The following FHIT variants were observed in gnomAD, a reference collection of about 807,000 sequenced individuals.
The protein encoded by FHIT is fragile histidine triad diadenosine triphosphatase.
A neutral mutation model predicts 17.9 loss-of-function variants in FHIT; 19 were observed. The observed-to-expected ratio is 1.06, with a 90% confidence interval of 0.74 to 1.56. FHIT has a LOEUF of 1.56. FHIT is among the 40% of genes most tolerant of loss of function. The pLI, the probability that FHIT is intolerant of heterozygous loss-of-function variation, is 0.00. For synonymous variants in FHIT, 81 were observed against 69.7 expected, an observed-to-expected ratio of 1.16 and a Z score of -0.81; for missense variants, 248 against 189.2, an observed-to-expected ratio of 1.31 and a Z score of -1.82.
chr3:60,148,071 G>C (rs1700314474), intron 5 of FHIT, among the ~76,000 whole-genome samples: 1 of 152,134 alleles, frequency 6.6e-6, no homozygotes, highest in Non-Finnish European at 1.5e-5. Flanking sequence ...AATGTTGCCT[G>C]GTAAGACTAA....
intron 3 of FHIT, among the ~76,000 whole-genome samples, chr3:60,927,200 C>T (rs1396593308): frequency 6.6e-6 from 1 of 152,174 alleles, no homozygotes; most frequent in African/African-American, 2.4e-5. Flanking sequence ...GGGGTTTCGC[C>T]GTGTTGGCCG....
intron 4 of FHIT, among the ~76,000 whole-genome samples, chr3:60,685,853 T>G (rs1230802979): frequency 6.6e-6 from 1 of 152,188 alleles, no homozygotes; most frequent in Non-Finnish European, 1.5e-5. Context: ...TAAACAAACA[T>G]ACATATTCTT....
At chr3:60,696,944 G>C (rs573239750) in intron 4 of FHIT, among the ~76,000 whole-genome samples, 1 of 152,190 alleles carries the variant, frequency 6.6e-6, no homozygotes, top group African/African-American at 2.4e-5. Context: ...TTTTTTAAAA[G>C]TAAATATTTG....
intron 2 of FHIT, among the ~76,000 whole-genome samples, chr3:61,137,871 C>A (rs911861944): frequency 5.9e-5 from 9 of 152,224 alleles, no homozygotes; most frequent in African/African-American, 2.2e-4. Context: ...TGCAGCCTCA[C>A]ACAGTCTTTT....
chr3:60,647,908 T>A (rs73097257), intron 4 of FHIT, among the ~76,000 whole-genome samples: 1 of 152,268 alleles, frequency 6.6e-6, no homozygotes, highest in Non-Finnish European at 1.5e-5. Flanking sequence ...TAACAGCAAA[T>A]ATTATAATCA....
chr3:60,069,075 G>A (rs1702644857), intron 5 of FHIT, among the ~76,000 whole-genome samples: 1 of 151,890 alleles, frequency 6.6e-6, no homozygotes, highest in Admixed American at 6.6e-5. Context: ...AAGACAAAAA[G>A]GTAATCATAG....
At chr3:60,288,500 G>A (rs890848536) in intron 5 of FHIT, among the ~76,000 whole-genome samples, 9 of 152,030 alleles carry the variant, frequency 5.9e-5, no homozygotes, top group African/African-American at 1.4e-4. Context: ...CAAAGTGACT[G>A]TGGTCCAGCA....
intron 4 of FHIT, among the ~76,000 whole-genome samples, chr3:60,741,955 A>T (rs1331286451): frequency 2.0e-5 from 3 of 152,236 alleles, no homozygotes; most frequent in Admixed American, 6.5e-5. Flanking sequence ...CAATTAAGAC[A>T]GCAGGTCAGA....
At chr3:60,207,415 G>A (rs933725235) in intron 5 of FHIT, among the ~76,000 whole-genome samples, 7 of 151,934 alleles carry the variant, frequency 4.6e-5, no homozygotes, top group African/African-American at 1.7e-4. Flanking sequence ...GACCTCGAAA[G>A]GCTTCTATAT....
At chr3:60,050,216 A>G (rs1480322984) in intron 5 of FHIT, among the ~76,000 whole-genome samples, 1 of 152,206 alleles carries the variant, frequency 6.6e-6, no homozygotes, top group African/African-American at 2.4e-5. Context: ...TATTATACGT[A>G]TCTCCAATAT....
chr3:60,534,490 A>G (rs2035912413), intron 5 of FHIT, among the ~76,000 whole-genome samples: 1 of 150,256 alleles, frequency 6.7e-6, no homozygotes, highest in Non-Finnish European at 1.5e-5. Context: ...GTAACATGGC[A>G]GAGTTTATAA....
chr3:60,619,567 C>A (rs1576983809), intron 4 of FHIT, among the ~76,000 whole-genome samples: 1 of 93,114 alleles, frequency 1.1e-5, no homozygotes, highest in African/African-American at 4.3e-5. Flanking sequence ...GTCTTTTCCA[C>A]AAATGGATCT....
At chr3:60,522,186 T>C (rs1032757701) in intron 5 of FHIT, among the ~76,000 whole-genome samples, 1 of 145,180 alleles carries the variant, frequency 6.9e-6, no homozygotes, top group East Asian at 2.2e-4. Context: ...CTGAGCTCAC[T>C]GCAACTTCTG....
chr3:60,653,060 C>T (rs575319589), intron 4 of FHIT, among the ~76,000 whole-genome samples: 3 of 152,196 alleles, frequency 2.0e-5, no homozygotes, highest in East Asian at 1.9e-4. Flanking sequence ...AAAAATAGAC[C>T]GCAACAATAG....
chr3:61,037,514 A>T (rs1282627675), intron 3 of FHIT, among the ~76,000 whole-genome samples: 2 of 152,248 alleles, frequency 1.3e-5, no homozygotes, highest in African/African-American at 4.8e-5. Context: ...ATATATAATT[A>T]GCACATCAAA....
At chr3:61,119,120 T>A (rs578060487) in intron 2 of FHIT, among the ~76,000 whole-genome samples, 1 of 152,318 alleles carries the variant, frequency 6.6e-6, no homozygotes, top group Admixed American at 6.5e-5. Flanking sequence ...AATTTACTAA[T>A]CTGCACTGCA....
Position 60,223,143 on chromosome 3 carries a change from C to G in FHIT, c.104-208991G>C, listed in dbSNP as rs1704039387. On this transcript the variant is annotated intron_variant, in intron 5 of 9. Coordinates refer to ENST00000492590, the MANE Select transcript of FHIT (RefSeq NM_002012.4). ...GAAGACTTTCTTCCAGGGATAGAGG[C>G]TCCCCTCAGGCAGAATGACATTGCA... 2.6e-5 allele frequency among the ~76,000 whole-genome samples: 4 copies of G among 152,254 alleles called. 1 individual carries two copies. In the South Asian group the frequency reaches 8.3e-4, roughly 32 times the overall value.
chr3:60,657,665 A>C (rs1559619218), intron 4 of FHIT, among the ~76,000 whole-genome samples: 2 of 152,142 alleles, frequency 1.3e-5, no homozygotes, highest in African/African-American at 4.8e-5. Context: ...ATCAGGCCTT[A>C]ACTTTTGGAC....
At chr3:61,196,647 C>G (rs780975230) in intron 2 of FHIT, among the ~76,000 whole-genome samples, 24 of 151,990 alleles carry the variant, frequency 1.6e-4, no homozygotes, top group Non-Finnish European at 2.8e-4. Flanking sequence ...GGGGTGAAGG[C>G]AGGGTTAAGG....
Sources: allele counts gnomAD v4.1 joint callset (sites outside exome capture counted in the v4.1 genomes callset), GRCh38; gene constraint gnomAD v4.1.1; transcripts MANE v1.5; gene names NCBI Gene and HGNC (gene_info 2026-07-23, HGNC 2026-07-21).